PARN: variants seen among roughly 807,000 people sequenced by gnomAD.
The protein encoded by PARN is poly(A)-specific ribonuclease, also known as poly(A)-specific ribonuclease PARN.
A neutral mutation model predicts 102.8 loss-of-function variants in PARN; 71 were observed. The ratio of observed to expected loss-of-function variants is 0.69; its 90% CI spans 0.57 to 0.84. The LOEUF is 0.84. Among genes scored for constraint, PARN ranks in the 40% least tolerant of loss-of-function variants. The pLI, the probability that PARN is intolerant of heterozygous loss-of-function variation, is 0.00. For synonymous variants in PARN, 261 were observed against 252.9 expected, an observed-to-expected ratio of 1.03 and a Z score of -0.30; for missense variants, 782 against 760.9, an observed-to-expected ratio of 1.03 and a Z score of -0.33.
chr16:14,452,135 G>A (rs1156879983), intron 22 of PARN, among the ~76,000 whole-genome samples: 2 of 152,066 alleles, frequency 1.3e-5, no homozygotes, highest in South Asian at 4.1e-4. Context: ...ACTAATTTTA[G>A]CATTAACTTC....
At chr16:14,570,083 G>A (rs1258660056) in intron 18 of PARN, among the ~76,000 whole-genome samples, 1 of 152,106 alleles carries the variant, frequency 6.6e-6, no homozygotes, top group Non-Finnish European at 1.5e-5. Flanking sequence ...GCTCACGCCT[G>A]TAATCCCAGC....
At chr16:14,571,678 G>A (rs928668205) in intron 18 of PARN, among the ~76,000 whole-genome samples, 5 of 152,170 alleles carry the variant, frequency 3.3e-5, no homozygotes. Flanking sequence ...AGTGACAGCA[G>A]TGAGAAGTTA....
At chr16:14,547,425 G>A (rs578102170) in intron 21 of PARN, among the ~76,000 whole-genome samples, 1 of 152,244 alleles carries the variant, frequency 6.6e-6, no homozygotes, top group African/African-American at 2.4e-5. Context: ...GTCGAAAATA[G>A]CCAGGCACAG....
In PARN at chr16:14,582,215, T is replaced by G. The variant is rs779389308; in HGVS notation, c.1158A>C (p.Thr386=). 1 of 1,613,004 alleles carries G rather than the reference T, an allele frequency of 6.2e-7. No homozygotes were observed. Among genetic ancestry groups the G allele is most frequent in the Non-Finnish European group, 8.5e-7 (1 of 1,178,930 alleles). ...TGGCCATGGAGATGAAGCACAGCCCTGTGATGTAGGCATCGTAGCCTGCCT... is the reference window on the plus strand; with the variant it reads ...TGGCCATGGAGATGAAGCACAGCCCGGTGATGTAGGCATCGTAGCCTGCCT... ...LHEAGYDAYI[T]GLCFISMANY... The change falls in exon 17 of 24, where the codon ACA becomes ACC. Residue 386 remains threonine, a synonymous_variant. Coordinates refer to ENST00000437198, the MANE Select transcript of PARN (RefSeq NM_002582.4).
chr16:14,483,825 C>T (rs748430164), intron 21 of PARN, among the ~76,000 whole-genome samples: 2 of 152,192 alleles, frequency 1.3e-5, no homozygotes, highest in Non-Finnish European at 2.9e-5. Context: ...TGGAATTACA[C>T]TACATATGCA....
chr16:14,628,468 T>G (rs1006844139), intron 2 of PARN, among the ~76,000 whole-genome samples: 1 of 152,204 alleles, frequency 6.6e-6, no homozygotes, highest in African/African-American at 2.4e-5. Flanking sequence ...AACATGAGAA[T>G]AGGCAGTTCC....
chr16:14,447,406 AATAGT>A (rs1162099749), intron 22 of PARN, among the ~76,000 whole-genome samples: 1 of 152,228 alleles, frequency 6.6e-6, no homozygotes, highest in African/African-American at 2.4e-5. Flanking sequence ...AGTAGAATAG[AATAGT>A]AGAGATAATA....
chr16:14,622,475 G>A (rs1259801173), intron 5 of PARN, among the ~76,000 whole-genome samples: 1 of 152,238 alleles, frequency 6.6e-6, no homozygotes, highest in Admixed American at 6.5e-5. Flanking sequence ...TGAGTGGCAA[G>A]TGCGAGTTGC....
chr16:14,620,057 A>AAG (rs1184719435), intron 5 of PARN, among the ~76,000 whole-genome samples: 3 of 116,020 alleles, frequency 2.6e-5, no homozygotes, highest in Non-Finnish European at 5.6e-5. Context: ...GTGACAGAGC[A>AAG]AGACTCTGTC....
chr16:14,568,709 C>T (rs1220372584), intron 18 of PARN, among the ~76,000 whole-genome samples: 1 of 151,528 alleles, frequency 6.6e-6, no homozygotes, highest in African/African-American at 2.4e-5. Flanking sequence ...TCCTGTCCAA[C>T]ATGGTGAAAC....
At chr16:14,510,996 C>A (rs1424581165) in intron 21 of PARN, among the ~76,000 whole-genome samples, 1 of 152,216 alleles carries the variant, frequency 6.6e-6, no homozygotes, top group Non-Finnish European at 1.5e-5. Context: ...TGCCACCCAA[C>A]TATAGGATTG....
chr16:14,577,958 G>A (rs748893440), intron 18 of PARN, among the ~76,000 whole-genome samples: 3 of 151,842 alleles, frequency 2.0e-5, no homozygotes, highest in Non-Finnish European at 4.4e-5. Context: ...ATAGGCCAAC[G>A]CATCTGGCCA....
intron 21 of PARN, among the ~76,000 whole-genome samples, chr16:14,511,620 A>G (rs1965193891): frequency 6.6e-6 from 1 of 152,126 alleles, no homozygotes; most frequent in Non-Finnish European, 1.5e-5. Context: ...CTCCTAAATT[A>G]TTGGGTGTAG....
intron 12 of PARN, among the ~76,000 whole-genome samples, chr16:14,595,304 G>A (rs1028364736): frequency 1.3e-5 from 2 of 152,076 alleles, no homozygotes; most frequent in African/African-American, 4.8e-5. Flanking sequence ...GTATTGTACT[G>A]GAATCTGAGG....
intron 13 of PARN, among the ~76,000 whole-genome samples, chr16:14,592,391 A>G (rs553001885): frequency 1.3e-5 from 2 of 152,346 alleles, no homozygotes; most frequent in South Asian, 4.1e-4. Context: ...CTGAAGCTGT[A>G]AAGTGAGTGA....
intron 9 of PARN, 97 bp downstream of exon 9, chr16:14,608,184 G>T: frequency 2.3e-6 from 2 of 872,600 alleles, no homozygotes; most frequent in Non-Finnish European, 3.6e-6. Context: ...ACTGAGAACC[G>T]CAGAATTTCA....
At chr16:14,622,999 G>A (rs749310306) in intron 5 of PARN, among the ~76,000 whole-genome samples, 19 of 151,790 alleles carry the variant, frequency 1.3e-4, no homozygotes, top group Non-Finnish European at 2.8e-4. Context: ...AGCTACTGAG[G>A]AGGCTAAGGC....
At chr16:14,593,063 G>T (rs1254286953) in intron 13 of PARN, among the ~76,000 whole-genome samples, 1 of 151,892 alleles carries the variant, frequency 6.6e-6, no homozygotes, top group Non-Finnish European at 1.5e-5. Flanking sequence ...TTGAACCCAA[G>T]AGGTGGAGGC....
At position 14,466,140 on chromosome 16, in the gene PARN, C is replaced by T. The variant is rs1433010167; in HGVS notation, c.1670+16498G>A. Among the ~76,000 whole-genome samples the T allele has an allele frequency of 3.3e-5, 5 of 151,940 alleles. No homozygotes were observed. The South Asian group carries it at 1.0e-3, about 32-fold the overall frequency. On this transcript the variant is annotated intron_variant, in intron 22 of 23. Coordinates refer to ENST00000437198, the MANE Select transcript of PARN (RefSeq NM_002582.4). ...CAAATCTGCACATGTACTCCAGAAC[C>T]TAAAATAAAAGTTAAAAAAAATGAA...
Sources: gnomAD v4.1 joint callset for allele counts (sites outside exome capture counted in the v4.1 genomes callset) on GRCh38, gnomAD v4.1.1 for gene constraint, MANE v1.5 for transcripts, NCBI Gene and HGNC (gene_info 2026-07-23, HGNC 2026-07-21) for gene names.